Variants in AFAP1L1 observed in about 807,000 individuals in gnomAD.
AFAP1L1 encodes the protein actin filament-associated protein 1-like 1.
A neutral mutation model predicts 99.8 loss-of-function variants in AFAP1L1; 77 were observed. The observed-to-expected ratio is 0.77, with a 90% CI of 0.64 to 0.93. The LOEUF (loss-of-function observed/expected upper bound fraction) is 0.93. Ranked by LOEUF, AFAP1L1 falls within the 40% of genes least tolerant of loss-of-function variation. The pLI is 0.00. For synonymous variants in AFAP1L1, 373 were observed against 395.3 expected (o/e 0.94, Z 0.67); for missense variants, 893 against 996.8 (o/e 0.90, Z 1.40).
chr5:149,339,716 A>C (rs537393861), intron 18 of AFAP1L1, among the ~76,000 whole-genome samples: 2 of 152,226 alleles, frequency 1.3e-5, no homozygotes, highest in South Asian at 4.1e-4. Context: ...TTGTTCTAAC[A>C]TAATGGATCT....
chr5:149,338,015 G>A (rs897027114), intron 18 of AFAP1L1, among the ~76,000 whole-genome samples: 1 of 152,310 alleles, frequency 6.6e-6, no homozygotes, highest in Non-Finnish European at 1.5e-5. Flanking sequence ...CCATGAAGGG[G>A]GAAGAGGCAG....
At chr5:149,287,634 A>T (rs1755723676) in intron 1 of AFAP1L1, among the ~76,000 whole-genome samples, 1 of 151,918 alleles carries the variant, frequency 6.6e-6, no homozygotes, top group African/African-American at 2.4e-5. Context: ...CCCAGGCTGG[A>T]GTGCAGGGGT....
intron 2 of AFAP1L1, 119 bp downstream of exon 2, chr5:149,299,756 G>T (rs538044404): frequency 2.1e-6 from 3 of 1,435,476 alleles, no homozygotes; most frequent in African/African-American, 1.4e-5. Context: ...AGGGGCTGCC[G>T]CAGGAGGAAG....
At chr5:149,306,482 C>T (rs1205149214) in intron 6 of AFAP1L1, 78 bp downstream of exon 6, 1 of 1,330,920 alleles carries the variant, frequency 7.5e-7, no homozygotes, top group Non-Finnish European at 1.0e-6. Flanking sequence ...TGGCCCTTAG[C>T]ATGGGTGTGC....
chr5:149,294,165 C>T (rs1755949460), intron 1 of AFAP1L1, among the ~76,000 whole-genome samples: 1 of 152,056 alleles, frequency 6.6e-6, no homozygotes, highest in South Asian at 2.1e-4. Flanking sequence ...TGGACTGCCC[C>T]CATCAGAATC....
Position 149,324,616 on chromosome 5 carries a change from T to C in AFAP1L1, c.1810+1899T>C, listed in dbSNP as rs111503279. ...TGTTATGTCACACGGTTTCTGTGGGTCAAGAATCTCCAAATGGCTTGGATA... is the reference window on the plus strand; with the variant it reads ...TGTTATGTCACACGGTTTCTGTGGGCCAAGAATCTCCAAATGGCTTGGATA... On this transcript the variant is annotated intron_variant, in intron 15 of 18. Transcript: ENST00000296721. Among the ~76,000 whole-genome samples, 434 of 152,334 alleles carry C rather than the reference T, an allele frequency of 2.8e-3. 2 individuals are homozygous for C. Among genetic ancestry groups the C allele is most frequent in the African/African-American group, 9.7e-3 (403 of 41,574 alleles).
chr5:149,312,701 C>T (rs1452140462), intron 9 of AFAP1L1, among the ~76,000 whole-genome samples: 4 of 151,110 alleles, frequency 2.6e-5, no homozygotes, highest in African/African-American at 9.7e-5. Context: ...AGGTAGGAGA[C>T]TTACTTGAGC....
intron 1 of AFAP1L1, among the ~76,000 whole-genome samples, chr5:149,278,080 G>GT (rs1755394501): frequency 6.6e-6 from 1 of 152,022 alleles, no homozygotes; most frequent in South Asian, 2.1e-4. Flanking sequence ...AGAACATATC[G>GT]TTACTCCATT....
At chr5:149,315,713 C>T (rs993108038) in intron 9 of AFAP1L1, 108 bp from the exon 10 acceptor site, 4 of 869,622 alleles carry the variant, frequency 4.6e-6, no homozygotes, top group African/African-American at 3.3e-5. Flanking sequence ...CATTTGTTAG[C>T]TAATTATCAT....
chr5:149,296,752 G>T (rs1337404383), intron 1 of AFAP1L1, among the ~76,000 whole-genome samples: 1 of 152,164 alleles, frequency 6.6e-6, no homozygotes, highest in African/African-American at 2.4e-5. Flanking sequence ...TTTTCATGCT[G>T]CTAATAAAGA....
rs766538487 is a variant in AFAP1L1, at chr5:149,322,626, C to T, written c.1719C>T (p.Pro573=). 7.6e-6 allele frequency: 12 copies of T among 1,584,484 alleles called. No individual in the cohort carries two copies. The highest frequency in any genetic ancestry group is 1.8e-5 in the Admixed American group (1 of 56,188). Residue 573 remains proline (P), a synonymous_variant, in exon 15 of 19, where the codon CCC becomes CCT. Transcript: ENST00000296721. The stretch of plus-strand genomic sequence containing the variant: ...ACCAGGACGAGGAGCCCGAGCGCCC[C>T]ACAGGGGCCCAGGTGAAGCGTCACG... ...EKMQDEEPER[P]TGAQVKRHAS...
intron 15 of AFAP1L1, among the ~76,000 whole-genome samples, chr5:149,327,062 G>GCT (rs1298824201): frequency 4.0e-5 from 6 of 151,234 alleles, no homozygotes; most frequent in African/African-American, 4.9e-5. Flanking sequence ...ACATGAAGAA[G>GCT]CAGGAAAATG....
chr5:149,309,866 G>A (rs888881402), intron 7 of AFAP1L1, 90 bp from the exon 8 acceptor site: 7 of 1,546,906 alleles, frequency 4.5e-6, no homozygotes, highest in South Asian at 1.2e-5. Flanking sequence ...CTAAAGGGAG[G>A]TCGGGCTTCC....
chr5:149,278,968 A>C (rs1755428940), intron 1 of AFAP1L1, among the ~76,000 whole-genome samples: 2 of 152,188 alleles, frequency 1.3e-5, no homozygotes, highest in African/African-American at 2.4e-5. Context: ...CCAGTTCCTC[A>C]TGACCTCCTG....
chr5:149,339,534 C>G (rs1418242277), intron 18 of AFAP1L1, among the ~76,000 whole-genome samples: 2 of 152,168 alleles, frequency 1.3e-5, no homozygotes, highest in African/African-American at 4.8e-5. Flanking sequence ...AATTTCGTAT[C>G]ATTTTCATGT....
intron 7 of AFAP1L1, 30 bp from the exon 8 acceptor site, chr5:149,309,926 A>G: frequency 1.9e-6 from 3 of 1,614,078 alleles, no homozygotes; most frequent in Non-Finnish European, 2.5e-6. Flanking sequence ...CTACTTCAGA[A>G]GATCCTGATG....
intron 1 of AFAP1L1, among the ~76,000 whole-genome samples, chr5:149,290,125 C>T (rs200366788): frequency 6.4e-4 from 98 of 152,064 alleles, no homozygotes; most frequent in Admixed American, 2.2e-3. Context: ...CCAAGCTACT[C>T]GGGAGGCTGA....
At position 149,322,536 on chromosome 5, in the gene AFAP1L1, C is replaced by A. The variant is rs78660282; in HGVS notation, c.1699-70C>A. ...AAGAAGACTCCATACTGAGCAAAGA[C>A]CGCAATACACCCTGCATTGATGAGT... On this transcript the variant is annotated intron_variant, in intron 14 of 18. Coordinates refer to ENST00000296721, the MANE Select transcript of AFAP1L1 (RefSeq NM_152406.4). 5.1e-3 allele frequency: 5,797 copies of A among 1,128,986 alleles called. 161 individuals are homozygous for A. The African/African-American group carries it at 0.064, about 13-fold the overall frequency. 69.9% of individuals were successfully genotyped at this position (1,128,986 alleles called of 1,614,324 possible). A position where few individuals can be genotyped will look rare whatever the true frequency, so the allele number is the denominator to read the frequency against.
chr5:149,333,338 G>T (rs2127604654), intron 17 of AFAP1L1, among the ~76,000 whole-genome samples: 1 of 152,320 alleles, frequency 6.6e-6, no homozygotes, highest in African/African-American at 2.4e-5. Flanking sequence ...ACTCCATGAA[G>T]TGGGAGACGG....
Sources: allele counts gnomAD v4.1 joint callset (sites outside exome capture counted in the v4.1 genomes callset), GRCh38; gene constraint gnomAD v4.1.1; transcripts MANE v1.5; gene names NCBI Gene and HGNC (gene_info 2026-07-23, HGNC 2026-07-21).